MAML2: variants seen among roughly 807,000 people sequenced by gnomAD.
MAML2 encodes mastermind-like protein 2.
MAML2 carries 22 observed loss-of-function variants against 96.1 expected under a neutral mutation model. That is an observed-to-expected ratio of 0.23 (90% confidence interval 0.16 to 0.33). MAML2 has a LOEUF of 0.33. Among genes scored for constraint, MAML2 ranks in the 10% least tolerant of loss-of-function variants. The pLI is 1.00. For synonymous variants in MAML2, 561 were observed against 521.3 expected (o/e 1.08, Z -1.04); for missense variants, 1,367 against 1,392.4 (o/e 0.98, Z 0.29).
At chr11:96,147,235 T>C (rs1313152837) in intron 1 of MAML2, among the ~76,000 whole-genome samples, 2 of 152,368 alleles carry the variant, frequency 1.3e-5, no homozygotes, top group East Asian at 3.8e-4. Flanking sequence ...TGATGTGGAC[T>C]ATAATCTCCC....
intron 1 of MAML2, among the ~76,000 whole-genome samples, chr11:96,153,715 G>A (rs1860964157): frequency 6.6e-6 from 1 of 151,900 alleles, no homozygotes; most frequent in Non-Finnish European, 1.5e-5. Flanking sequence ...TTCAAGACCA[G>A]CCTGACCAAC....
chr11:96,255,871 T>TC, intron 1 of MAML2, among the ~76,000 whole-genome samples: 1 of 145,562 alleles, frequency 6.9e-6, no homozygotes, highest in East Asian at 2.0e-4. Context: ...CCGCCTTTTT[T>TC]TTTTTTTTTT....
intron 1 of MAML2, among the ~76,000 whole-genome samples, chr11:96,100,999 A>G (rs988037052): frequency 2.0e-5 from 3 of 150,970 alleles, no homozygotes; most frequent in Non-Finnish European, 4.4e-5. Context: ...TCCTGCCTTG[A>G]TCTCCCAAAG....
At chr11:96,048,685 A>C (rs1026711967) in intron 2 of MAML2, among the ~76,000 whole-genome samples, 1 of 152,190 alleles carries the variant, frequency 6.6e-6, no homozygotes, top group Non-Finnish European at 1.5e-5. Context: ...TGACAGAACC[A>C]AAGTCTTTCT....
At chr11:95,999,996 A>G (rs1346562239) in intron 2 of MAML2, among the ~76,000 whole-genome samples, 1 of 152,102 alleles carries the variant, frequency 6.6e-6, no homozygotes, top group Non-Finnish European at 1.5e-5. Context: ...CGATGAAGCC[A>G]TTTATTTATC....
chr11:96,189,090 G>A (rs561527194), intron 1 of MAML2, among the ~76,000 whole-genome samples: 1 of 149,610 alleles, frequency 6.7e-6, no homozygotes, highest in Non-Finnish European at 1.5e-5. Flanking sequence ...TCTATATCTG[G>A]TTCCACTCAT....
At chr11:96,129,362 CAGGTCTG>C (rs1156263310) in intron 1 of MAML2, among the ~76,000 whole-genome samples, 3 of 152,194 alleles carry the variant, frequency 2.0e-5, no homozygotes, top group Admixed American at 1.3e-4. Flanking sequence ...TCTAGAGTTT[CAGGTCTG>C]AGGTGGGCCT....
At chr11:96,113,006 C>T (rs1241386540) in intron 1 of MAML2, among the ~76,000 whole-genome samples, 1 of 151,632 alleles carries the variant, frequency 6.6e-6, no homozygotes, top group Non-Finnish European at 1.5e-5. Context: ...AATCAGTGAG[C>T]AAAAAGGCAA....
intron 1 of MAML2, among the ~76,000 whole-genome samples, chr11:96,217,522 A>C (rs1216094390): frequency 6.6e-6 from 1 of 152,144 alleles, no homozygotes; most frequent in African/African-American, 2.4e-5. Context: ...ATCTTCCTTG[A>C]CTGTGTTATC....
chr11:96,080,316 T>C (rs1039194094), intron 2 of MAML2, among the ~76,000 whole-genome samples: 3 of 152,122 alleles, frequency 2.0e-5, no homozygotes, highest in African/African-American at 7.2e-5. Flanking sequence ...GAGAAGCAAC[T>C]AAAAATGATG....
intron 2 of MAML2, among the ~76,000 whole-genome samples, chr11:96,015,880 G>T (rs1346328810): frequency 6.6e-6 from 1 of 151,978 alleles, no homozygotes; most frequent in Non-Finnish European, 1.5e-5. Context: ...TACTGACAAG[G>T]CTCAGTTAAT....
At chr11:95,993,827 G>A (rs1399503178) in intron 2 of MAML2, among the ~76,000 whole-genome samples, 2 of 152,094 alleles carry the variant, frequency 1.3e-5, no homozygotes, top group Non-Finnish European at 2.9e-5. Flanking sequence ...AATTCTAAGG[G>A]CGACCATCCA....
At chr11:96,199,533 T>C (rs1460171753) in intron 1 of MAML2, among the ~76,000 whole-genome samples, 1 of 152,150 alleles carries the variant, frequency 6.6e-6, no homozygotes, top group African/African-American at 2.4e-5. Context: ...ATTTTTTTTT[T>C]TTTTTTGAGC....
intron 1 of MAML2, among the ~76,000 whole-genome samples, chr11:96,152,954 C>T (rs540990796): frequency 6.6e-6 from 1 of 152,274 alleles, no homozygotes; most frequent in East Asian, 1.9e-4. Context: ...CCAAGGAGGA[C>T]ACTGCAGTTA....
At chr11:96,118,407 C>G (rs1860279906) in intron 1 of MAML2, among the ~76,000 whole-genome samples, 1 of 152,146 alleles carries the variant, frequency 6.6e-6, no homozygotes, top group South Asian at 2.1e-4. Context: ...CCTTTGCGGT[C>G]TTTCTTCTAC....
chr11:95,991,786 A>C lies in MAML2; in HGVS notation c.2140-63T>G, dbSNP rs192887082. The C allele has an allele frequency of 2.4e-4, 296 of 1,235,984 alleles. 1 individual carries two copies. The African/African-American group carries it at 4.0e-3, about 17-fold the overall frequency. 76.6% of individuals were successfully genotyped at this position (1,235,984 alleles called of 1,614,324 possible). On this transcript the variant is annotated intron_variant, in intron 2 of 4. Coordinates refer to ENST00000524717, the MANE Select transcript of MAML2 (RefSeq NM_032427.4). ...ATTAAAAAAAGAAAAATGTAGCACA[A>C]AGATCATACACTCAGATTCCAAACA...
chr11:96,229,935 T>C (rs1685056703), intron 1 of MAML2, among the ~76,000 whole-genome samples: 3 of 152,152 alleles, frequency 2.0e-5, no homozygotes, highest in Admixed American at 2.0e-4. Context: ...CCAGTGAAAC[T>C]TTTTCTTACA....
At chr11:96,127,283 A>G (rs1860457007) in intron 1 of MAML2, among the ~76,000 whole-genome samples, 2 of 152,210 alleles carry the variant, frequency 1.3e-5, no homozygotes, top group Admixed American at 6.5e-5. Flanking sequence ...CAGTTAAAAG[A>G]AAGTCTTTTC....
At chr11:96,337,040 A>G (rs891042322) in intron 1 of MAML2, among the ~76,000 whole-genome samples, 1 of 152,220 alleles carries the variant, frequency 6.6e-6, no homozygotes, top group Non-Finnish European at 1.5e-5. Flanking sequence ...GTAAAGTATT[A>G]TACTAACTCC....
Sources: gnomAD v4.1 joint callset for allele counts (sites outside exome capture counted in the v4.1 genomes callset) on GRCh38, gnomAD v4.1.1 for gene constraint, MANE v1.5 for transcripts, NCBI Gene and HGNC (gene_info 2026-07-23, HGNC 2026-07-21) for gene names.